The following FYN variants were observed in gnomAD, a reference collection of about 807,000 sequenced individuals.
The protein encoded by FYN is FYN proto-oncogene, Src family tyrosine kinase, also known as tyrosine-protein kinase Fyn.
In FYN, 10 loss-of-function variants were observed where a neutral mutation model predicts 70.2. The observed-to-expected ratio is 0.14, with a 90% confidence interval of 0.09 to 0.24. The LOEUF is 0.24. FYN is among the 10% of genes least tolerant of loss of function. The probability of loss-of-function intolerance (pLI) is 1.00; values close to 1 mark genes in which losing one functional copy is unlikely to be tolerated. For synonymous variants in FYN, 236 were observed against 248.6 expected, an observed-to-expected ratio of 0.95 and a Z score of 0.48; for missense variants, 319 against 673.1, an observed-to-expected ratio of 0.47 and a Z score of 5.82.
chr6:111,826,226 G>A (rs987271847), intron 2 of FYN, among the ~76,000 whole-genome samples: 2 of 152,088 alleles, frequency 1.3e-5, no homozygotes, highest in Admixed American at 6.5e-5. Flanking sequence ...ATGGCAGGGT[G>A]GGAGAGCTAC....
chr6:111,840,482 T>C (rs1424397379), intron 2 of FYN, among the ~76,000 whole-genome samples: 1 of 152,216 alleles, frequency 6.6e-6, no homozygotes, highest in Non-Finnish European at 1.5e-5. Context: ...GAAGGTATCG[T>C]GGCCCTGCTG....
intron 13 of FYN, among the ~76,000 whole-genome samples, chr6:111,671,252 C>T (rs1274479522): frequency 2.0e-5 from 3 of 152,172 alleles, no homozygotes; most frequent in African/African-American, 4.8e-5. Flanking sequence ...CCACTCCTCT[C>T]ACACAACTTG....
Position 111,661,922 on chromosome 6 carries a change from C to T in FYN, c.1431G>A (p.Glu477=). The change falls in exon 14 of 14, where the codon GAG becomes GAA. Residue 477 remains glutamate (E), a synonymous_variant. Coordinates refer to ENST00000354650, the MANE Select transcript of FYN (RefSeq NM_002037.5). This position sits in a 1 kb window ranked among gnomAD's most constrained non-coding sequence, Gnocchi z 4.0. ...YPGMNNREVL[E]QVERGYRMPC... ...GCATCCTGTAGCCTCGCTCCACCTGCTCCAGCACCTCCCGGTTGTTCATGC... is the reference window on the plus strand; with the variant it reads ...GCATCCTGTAGCCTCGCTCCACCTGTTCCAGCACCTCCCGGTTGTTCATGC... 6.2e-7 allele frequency: 1 copy of T among 1,612,996 alleles called. No individual in the cohort carries two copies. Among genetic ancestry groups the T allele is most frequent in the Non-Finnish European group, 8.5e-7 (1 of 1,179,326 alleles).
chr6:111,722,539 C>G (rs574835147), intron 3 of FYN, among the ~76,000 whole-genome samples: 1 of 152,070 alleles, frequency 6.6e-6, no homozygotes, highest in Non-Finnish European at 1.5e-5. Context: ...GATGTTTTTT[C>G]TTTTTTTCCA....
At chr6:111,715,268 C>CG (rs1800575390) in intron 4 of FYN, among the ~76,000 whole-genome samples, 1 of 150,902 alleles carries the variant, frequency 6.6e-6, no homozygotes, top group African/African-American at 2.5e-5. Context: ...CAAATAGAGA[C>CG]GGGGGTCTCA....
intron 13 of FYN, among the ~76,000 whole-genome samples, chr6:111,670,644 G>A (rs1286599825): frequency 2.0e-5 from 3 of 150,416 alleles, no homozygotes; most frequent in South Asian, 4.2e-4. Context: ...GTAGAATTAC[G>A]TTTTCTAGGA....
intron 3 of FYN, among the ~76,000 whole-genome samples, chr6:111,763,031 AC>A (rs1472001788): frequency 6.6e-6 from 1 of 151,950 alleles, no homozygotes; most frequent in Non-Finnish European, 1.5e-5. Flanking sequence ...AGGCCCCCTG[AC>A]CCCACTTACC....
In FYN at chr6:111,819,611, T is replaced by C. The variant is rs1772594073; in HGVS notation, c.-82+26978A>G. 3.3e-5 allele frequency among the ~76,000 whole-genome samples: 5 copies of C among 152,108 alleles called. No homozygotes were observed. The South Asian group carries it at 1.0e-3, about 32-fold the overall frequency. On this transcript the variant is annotated intron_variant, in intron 2 of 13. Coordinates refer to ENST00000354650, the MANE Select transcript of FYN (RefSeq NM_002037.5). Reference sequence around the variant, plus strand: ...ACTCCATTAACCCCTTAGGCAGATTTTTAATTAGTTTTACAGACGCATAGA... The same window carrying C: ...ACTCCATTAACCCCTTAGGCAGATTCTTAATTAGTTTTACAGACGCATAGA...
chr6:111,866,193 T>A (rs1774099647), intron 1 of FYN, among the ~76,000 whole-genome samples: 2 of 152,176 alleles, frequency 1.3e-5, no homozygotes, highest in Non-Finnish European at 1.5e-5. Flanking sequence ...ATTAACTCAC[T>A]GAATCCTCAC....
At chr6:111,740,643 A>G (rs1173076694) in intron 3 of FYN, among the ~76,000 whole-genome samples, 2 of 152,164 alleles carry the variant, frequency 1.3e-5, no homozygotes, top group Non-Finnish European at 2.9e-5. Context: ...GCCCTGGCCT[A>G]TGTGTCTAGC....
chr6:111,830,583 G>A (rs1208175008), intron 2 of FYN, among the ~76,000 whole-genome samples: 2 of 152,124 alleles, frequency 1.3e-5, no homozygotes, highest in African/African-American at 4.8e-5. Context: ...CACTGTGGTG[G>A]TGTGGACAAA....
chr6:111,822,761 T>A (rs1190732687), intron 2 of FYN, among the ~76,000 whole-genome samples: 1 of 148,416 alleles, frequency 6.7e-6, no homozygotes, highest in African/African-American at 2.5e-5. Context: ...GAGAGATGAG[T>A]GAGAAGTAGA....
At chr6:111,725,501 G>A (rs1238229430) in intron 3 of FYN, among the ~76,000 whole-genome samples, 4 of 149,742 alleles carry the variant, frequency 2.7e-5, no homozygotes, top group Non-Finnish European at 5.9e-5. Flanking sequence ...TGGGGAGGCT[G>A]GACAGAAAGC....
intron 12 of FYN, among the ~76,000 whole-genome samples, chr6:111,680,783 C>T (rs12660485): frequency 9.2e-5 from 14 of 152,106 alleles, no homozygotes; most frequent in Admixed American, 5.2e-4. Flanking sequence ...CCAATAATTT[C>T]GGTAACAAAG....
chr6:111,746,172 A>G (rs1802204878), intron 3 of FYN, among the ~76,000 whole-genome samples: 1 of 152,132 alleles, frequency 6.6e-6, no homozygotes, highest in Admixed American at 6.5e-5. Context: ...TCTTTTTTTT[A>G]AAGTTTAGGC....
At chr6:111,811,851 C>T (rs939445652) in intron 2 of FYN, among the ~76,000 whole-genome samples, 2 of 151,806 alleles carry the variant, frequency 1.3e-5, no homozygotes, top group Non-Finnish European at 2.9e-5. Flanking sequence ...GGCACTGCAG[C>T]GCCTATTGTG....
At chr6:111,870,245 T>C (rs1242161561) in intron 1 of FYN, among the ~76,000 whole-genome samples, 2 of 152,224 alleles carry the variant, frequency 1.3e-5, no homozygotes, top group Non-Finnish European at 1.5e-5. Context: ...GTCTACTCTC[T>C]GTTGCCCCTT....
chr6:111,763,087 G>A (rs1331583955), intron 3 of FYN, among the ~76,000 whole-genome samples: 5 of 152,114 alleles, frequency 3.3e-5, no homozygotes, highest in South Asian at 4.2e-4. Context: ...TCTTTGAACC[G>A]ATTGTCAATC....
intron 3 of FYN, among the ~76,000 whole-genome samples, chr6:111,765,240 T>C (rs1049680508): frequency 2.0e-5 from 3 of 152,134 alleles, no homozygotes; most frequent in African/African-American, 7.2e-5. Context: ...CAAATGCATG[T>C]GTTGAAGCCC....
Sources: allele counts gnomAD v4.1 joint callset (sites outside exome capture counted in the v4.1 genomes callset), GRCh38; gene constraint gnomAD v4.1.1; non-coding constraint Gnocchi (gnomAD v3.1); transcripts MANE v1.5; gene names NCBI Gene and HGNC (gene_info 2026-07-23, HGNC 2026-07-21).